The following BCKDHB variants were observed in gnomAD, a reference collection of about 807,000 sequenced individuals.
BCKDHB encodes the protein 2-oxoisovalerate dehydrogenase subunit beta, mitochondrial.
BCKDHB carries 41 observed loss-of-function variants against 48.5 expected under a neutral mutation model. That is an observed-to-expected ratio of 0.85 (90% confidence interval 0.66 to 1.10). The LOEUF (loss-of-function observed/expected upper bound fraction) is 1.10. BCKDHB is among the 50% of genes least tolerant of loss of function. The pLI, the probability that BCKDHB is intolerant of heterozygous loss-of-function variation, is 0.00. For synonymous variants in BCKDHB, 201 were observed against 174.8 expected, an observed-to-expected ratio of 1.15 and a Z score of -1.18; for missense variants, 496 against 494.2, an observed-to-expected ratio of 1.00 and a Z score of -0.03.
At chr6:80,379,490 A>G in the BCKDHB span, among the ~76,000 whole-genome samples, 16 of 152,236 alleles carry the variant, frequency 1.1e-4, no homozygotes, top group African/African-American at 3.8e-4. Context: ...AGTCAACATC[A>G]TACTGAATGA....
At chr6:80,164,577 A>C (rs773989116) in intron 3 of BCKDHB, among the ~76,000 whole-genome samples, 8 of 152,114 alleles carry the variant, frequency 5.3e-5, no homozygotes, top group Non-Finnish European at 1.0e-4. Context: ...ATTCATGAGG[A>C]ATGTTTTCGT....
chr6:80,335,063 C>A (rs764075278), intron 9 of BCKDHB, among the ~76,000 whole-genome samples: 3 of 151,648 alleles, frequency 2.0e-5, no homozygotes, highest in Non-Finnish European at 2.9e-5. Flanking sequence ...GGGACAGTAA[C>A]AAGTTTTAGG....
At chr6:80,140,148 T>G (rs1480811880) in intron 3 of BCKDHB, among the ~76,000 whole-genome samples, 1 of 152,194 alleles carries the variant, frequency 6.6e-6, no homozygotes, top group Non-Finnish European at 1.5e-5. Context: ...TTTTGTACAT[T>G]GATTTTGTAT....
chr6:80,169,840 T>G, intron 5 of BCKDHB: 3 of 1,608,870 alleles, frequency 1.9e-6, no homozygotes, highest in Non-Finnish European at 2.5e-6. Context: ...CTTAGTTGAG[T>G]AGATGTTGCC....
intron 9 of BCKDHB, among the ~76,000 whole-genome samples, chr6:80,311,850 C>T (rs555209065): frequency 3.4e-4 from 52 of 152,218 alleles, no homozygotes; most frequent in African/African-American, 9.9e-4. Context: ...AGTTTGAAGT[C>T]GAGTAACATT....
chr6:80,234,523 A>G (rs1385555752), intron 8 of BCKDHB, among the ~76,000 whole-genome samples: 1 of 152,168 alleles, frequency 6.6e-6, no homozygotes, highest in African/African-American at 2.4e-5. Context: ...GATTATACTA[A>G]CAGCAGTAAC....
chr6:80,380,111 A>G, the BCKDHB span, among the ~76,000 whole-genome samples: 2 of 152,182 alleles, frequency 1.3e-5, no homozygotes, highest in Admixed American at 1.3e-4. Flanking sequence ...AACAACAACA[A>G]AAAGCCCAAA....
intron 3 of BCKDHB, among the ~76,000 whole-genome samples, chr6:80,163,083 C>T (rs534831802): frequency 8.6e-5 from 13 of 151,942 alleles, no homozygotes; most frequent in Admixed American, 2.0e-4. Context: ...CCACCACACC[C>T]GGCTAATGTT....
chr6:80,194,664 A>G (rs991892943), intron 6 of BCKDHB, among the ~76,000 whole-genome samples: 5 of 152,146 alleles, frequency 3.3e-5, no homozygotes, highest in Admixed American at 3.3e-4. Context: ...AATATTATAG[A>G]AGTGATACAA....
chr6:80,343,669 A>G lies in BCKDHB; in HGVS notation c.1044A>G (p.Glu348=), dbSNP rs1770034623. ...ASEISSTVQE[E]CFLNLEAPIS... is the part of the protein sequence containing the mutation. Reference sequence around the variant, plus strand: ...CATCCTGACTCTGTCTGCAGGAGGAATGTTTCTTGAACCTAGAGGCTCCTA... The same window carrying G: ...CATCCTGACTCTGTCTGCAGGAGGAGTGTTTCTTGAACCTAGAGGCTCCTA... Residue 348 remains glutamate (E), a synonymous_variant, in exon 10 of 10, where the codon GAA becomes GAG. Transcript: ENST00000320393. 4 of 1,613,906 alleles carry G rather than the reference A, an allele frequency of 2.5e-6. No individual in the cohort carries two copies. Among genetic ancestry groups the G allele is most frequent in the South Asian group, 1.1e-5 (1 of 91,088 alleles).
At chr6:80,350,233 A>G (rs1770355480), downstream of BCKDHB, among the ~76,000 whole-genome samples, 1 of 152,162 alleles carries the variant, frequency 6.6e-6, no homozygotes, top group Non-Finnish European at 1.5e-5. Flanking sequence ...TTCTACTCAG[A>G]GGTAAATTCA....
chr6:80,111,152 A>C (rs1394871927), intron 1 of BCKDHB, among the ~76,000 whole-genome samples: 1 of 152,202 alleles, frequency 6.6e-6, no homozygotes, highest in African/African-American at 2.4e-5. Context: ...CTTTCCTTCC[A>C]TTCCCATAAT....
At chr6:80,123,966 T>C (rs1337376004) in intron 1 of BCKDHB, among the ~76,000 whole-genome samples, 4 of 152,332 alleles carry the variant, frequency 2.6e-5, no homozygotes, top group East Asian at 1.9e-4. Flanking sequence ...GCTTCTCTAG[T>C]TCTTTTAATT....
the BCKDHB span, among the ~76,000 whole-genome samples, chr6:80,444,395 G>C: frequency 1.4e-4 from 22 of 152,088 alleles, no homozygotes; most frequent in Non-Finnish European, 2.6e-4. Flanking sequence ...GCCATGCCAG[G>C]AATATAATTC....
the BCKDHB span, among the ~76,000 whole-genome samples, chr6:80,416,768 ATTTT>A: frequency 1.0e-4 from 12 of 118,126 alleles, no homozygotes; most frequent in Admixed American, 3.9e-4. Context: ...TTTTATTTTT[ATTTT>A]TATTTTTTTT....
chr6:80,376,056 G>A, the BCKDHB span, among the ~76,000 whole-genome samples: 1 of 152,134 alleles, frequency 6.6e-6, no homozygotes, highest in Non-Finnish European at 1.5e-5. Flanking sequence ...GTGGTAGGCA[G>A]GGCCATAGAG....
intron 8 of BCKDHB, among the ~76,000 whole-genome samples, chr6:80,256,177 T>C (rs961564499): frequency 3.3e-5 from 5 of 152,182 alleles, no homozygotes; most frequent in African/African-American, 1.2e-4. Flanking sequence ...CATTTATATG[T>C]ATTGGCATGT....
chr6:80,308,876 C>T (rs777626115), intron 9 of BCKDHB, among the ~76,000 whole-genome samples: 8 of 151,902 alleles, frequency 5.3e-5, no homozygotes, highest in African/African-American at 7.3e-5. Flanking sequence ...CCACCGCACC[C>T]GGCCGTAGAT....
At chr6:80,304,147 T>C (rs1423934945) in intron 9 of BCKDHB, among the ~76,000 whole-genome samples, 1 of 152,108 alleles carries the variant, frequency 6.6e-6, no homozygotes, top group African/African-American at 2.4e-5. Flanking sequence ...TCGAACACAG[T>C]ATAAGAAAGT....
Sources: allele counts gnomAD v4.1 joint callset (sites outside exome capture counted in the v4.1 genomes callset), GRCh38; gene constraint gnomAD v4.1.1; transcripts MANE v1.5; gene names NCBI Gene and HGNC (gene_info 2026-07-23, HGNC 2026-07-21).